PHF24: variants seen among roughly 807,000 people sequenced by gnomAD.
PHF24 encodes the protein PHD finger protein 24.
A neutral mutation model predicts 42.6 loss-of-function variants in PHF24; 25 were observed. The ratio of observed to expected loss-of-function variants is 0.59; its 90% CI spans 0.43 to 0.82. The LOEUF (loss-of-function observed/expected upper bound fraction) is 0.82, where lower values mean the gene tolerates loss of function less well. Among genes scored for constraint, PHF24 ranks in the 40% least tolerant of loss-of-function variants. The pLI is 0.00. For missense variants in PHF24, 470 were observed against 538.1 expected, an observed-to-expected ratio of 0.87 and a Z score of 1.25; for synonymous variants, 185 against 204.8, an observed-to-expected ratio of 0.90 and a Z score of 0.83.
At chr9:34,917,996 C>A in the PHF24 span, 2 of 1,359,950 alleles carry the variant, frequency 1.5e-6, no homozygotes, top group Non-Finnish European at 2.1e-6. Context: ...GGGAGGCCAT[C>A]AAGAAATTAA....
chr9:34,919,148 A>G, the PHF24 span, among the ~76,000 whole-genome samples: 48 of 152,332 alleles, frequency 3.2e-4, no homozygotes, highest in African/African-American at 1.1e-3. Flanking sequence ...CGTGTTTACT[A>G]TGATTAGTGA....
At chr9:34,745,033 C>T in the PHF24 span, among the ~76,000 whole-genome samples, 7 of 152,154 alleles carry the variant, frequency 4.6e-5, no homozygotes, top group Non-Finnish European at 7.3e-5. Flanking sequence ...AAGGCTTGGG[C>T]GGAAGCTGCT....
the PHF24 span, chr9:34,917,593 C>A: frequency 2.6e-6 from 2 of 775,542 alleles, no homozygotes; most frequent in Non-Finnish European, 4.8e-6. Flanking sequence ...AATATACCCT[C>A]ATGGGGACAA....
the PHF24 span, among the ~76,000 whole-genome samples, chr9:34,885,978 C>T: frequency 6.6e-6 from 1 of 151,930 alleles, no homozygotes; most frequent in Admixed American, 6.6e-5. Flanking sequence ...CTCACTCGTC[C>T]CTCTGGGTCT....
At chr9:34,959,298 T>C (rs2132847664) in intron 1 of PHF24, among the ~76,000 whole-genome samples, 1 of 152,286 alleles carries the variant, frequency 6.6e-6, no homozygotes, top group East Asian at 1.9e-4. Flanking sequence ...TGTATGGGAT[T>C]GTTGAGCACC....
At chr9:34,790,063 A>G in the PHF24 span, among the ~76,000 whole-genome samples, 1 of 152,052 alleles carries the variant, frequency 6.6e-6, no homozygotes, top group South Asian at 2.1e-4. Context: ...GCCCAGGCTG[A>G]TCTCGAGCTC....
At chr9:34,695,938 T>G in the PHF24 span, among the ~76,000 whole-genome samples, 2 of 151,964 alleles carry the variant, frequency 1.3e-5, no homozygotes, top group African/African-American at 2.4e-5. Context: ...GCATGGATGG[T>G]CTCTGTGGTT....
chr9:34,955,217 C>T (rs961254848), upstream of PHF24, among the ~76,000 whole-genome samples: 3 of 151,776 alleles, frequency 2.0e-5, no homozygotes, highest in Admixed American at 6.6e-5. Flanking sequence ...TGGTGGTAAC[C>T]GTATTTGTCA....
At chr9:34,743,296 T>TAGTAATAA in the PHF24 span, among the ~76,000 whole-genome samples, 2 of 152,388 alleles carry the variant, frequency 1.3e-5, no homozygotes, top group South Asian at 2.1e-4. Flanking sequence ...AAAGCACCTT[T>TAGTAATAA]AGGTGAGGAC....
chr9:34,717,598 C>T, the PHF24 span, among the ~76,000 whole-genome samples: 1 of 152,086 alleles, frequency 6.6e-6, no homozygotes, highest in African/African-American at 2.4e-5. Flanking sequence ...ATTGTTGAGA[C>T]CAGGGGTATG....
At chr9:34,949,226 G>C in the PHF24 span, among the ~76,000 whole-genome samples, 1 of 152,136 alleles carries the variant, frequency 6.6e-6, no homozygotes, top group Non-Finnish European at 1.5e-5. Flanking sequence ...TCAAGTGCAC[G>C]TGGAATATTC....
At chr9:34,673,609 C>T in the PHF24 span, among the ~76,000 whole-genome samples, 1 of 151,086 alleles carries the variant, frequency 6.6e-6, no homozygotes, top group East Asian at 2.0e-4. Context: ...TAGGTGGGTG[C>T]CACAGCCTGG....
At chr9:34,711,268 A>C in the PHF24 span, among the ~76,000 whole-genome samples, 1 of 149,786 alleles carries the variant, frequency 6.7e-6, no homozygotes. Context: ...TTTTTTTGAC[A>C]CAGGGTCTCG....
the PHF24 span, among the ~76,000 whole-genome samples, chr9:34,820,919 A>G: frequency 6.6e-6 from 1 of 152,164 alleles, no homozygotes; most frequent in African/African-American, 2.4e-5. Context: ...TTTTAATAAT[A>G]GCCATTCTGA....
the PHF24 span, among the ~76,000 whole-genome samples, chr9:34,919,691 T>TACACAC: frequency 2.0e-5 from 3 of 148,190 alleles, no homozygotes; most frequent in Non-Finnish European, 1.5e-5. Flanking sequence ...ACCCAGTAAT[T>TACACAC]ACACACACAC....
the PHF24 span, among the ~76,000 whole-genome samples, chr9:34,948,565 G>A: frequency 1.3e-5 from 2 of 152,258 alleles, no homozygotes; most frequent in Middle Eastern, 6.8e-3. Flanking sequence ...TGCTACAAAT[G>A]CCTGCAGTAT....
At chr9:34,829,624 G>A in the PHF24 span, among the ~76,000 whole-genome samples, 3 of 152,282 alleles carry the variant, frequency 2.0e-5, no homozygotes, top group Middle Eastern at 6.8e-3. Context: ...AAGATGTAAC[G>A]CTTTCTCTGC....
the PHF24 span, among the ~76,000 whole-genome samples, chr9:34,838,841 C>G: frequency 6.6e-6 from 1 of 152,204 alleles, no homozygotes; most frequent in Admixed American, 6.5e-5. Flanking sequence ...AAACTGAGTG[C>G]TTTGGCACAG....
At chr9:34,810,546 TG>T in the PHF24 span, among the ~76,000 whole-genome samples, 2 of 152,128 alleles carry the variant, frequency 1.3e-5, no homozygotes, top group East Asian at 3.9e-4. Context: ...AGCCTCGTGA[TG>T]GTGGAGCCCC....
Sources: gnomAD v4.1 joint callset for allele counts (sites outside exome capture counted in the v4.1 genomes callset) on GRCh38, gnomAD v4.1.1 for gene constraint, MANE v1.5 for transcripts, NCBI Gene and HGNC (gene_info 2026-07-23, HGNC 2026-07-21) for gene names.